STX11: variants seen among roughly 807,000 people sequenced by gnomAD.
STX11 encodes syntaxin 11, also known as syntaxin-11.
In STX11, 21 loss-of-function variants were observed where a neutral mutation model predicts 19.9. That is an observed-to-expected ratio of 1.06 (90% CI 0.75 to 1.52). STX11 has a LOEUF of 1.52. Among genes scored for constraint, STX11 ranks in the 40% most tolerant of loss-of-function variants. STX11 has a pLI of 0.00. For missense variants in STX11, 438 were observed against 405.9 expected (o/e 1.08, Z -0.68); for synonymous variants, 193 against 174.4 (o/e 1.11, Z -0.84).
the STX11 span, among the ~76,000 whole-genome samples, chr6:144,140,250 A>T: frequency 4.8e-3 from 209 of 43,868 alleles, 1 homozygote; most frequent in African/African-American, 0.032. Flanking sequence ...ATATATATAT[A>T]TATATTTATT....
Position 144,153,741 on chromosome 6 carries a change from G to C in STX11, c.-6+3038G>C, listed in dbSNP as rs989616464. On this transcript the variant is annotated intron_variant, in intron 1 of 1. Transcript: ENST00000367568. The surrounding 1 kb of genome is among the most constrained non-coding windows in gnomAD (Gnocchi z 5.0). Reference sequence around the variant, plus strand: ...GAATCGGGCAGTGACAATGCAGATGGGAAAAGAGGGAAGGGGCTGGTAGAG... The same window carrying C: ...GAATCGGGCAGTGACAATGCAGATGCGAAAAGAGGGAAGGGGCTGGTAGAG... Among the ~76,000 whole-genome samples the C allele has an allele frequency of 6.6e-6, 1 of 152,200 alleles. No individual in the cohort carries two copies. Among genetic ancestry groups the C allele is most frequent in the African/African-American group, 2.4e-5 (1 of 41,454 alleles).
At chr6:144,158,472 ATCAGTAAAC>A (rs1801236926) in intron 1 of STX11, among the ~76,000 whole-genome samples, 1 of 152,346 alleles carries the variant, frequency 6.6e-6, no homozygotes, top group African/African-American at 2.4e-5. Context: ...ACTTAGAGGA[ATCAGTAAAC>A]TTTCTAGGAG....
rs1800981921 is a variant in STX11, at chr6:144,150,726, C to T, written c.-6+23C>T. 6 of 984,582 alleles carry T rather than the reference C, an allele frequency of 6.1e-6. No homozygotes were observed. The South Asian group carries it at 2.4e-4, about 39-fold the overall frequency. 61.0% of individuals were successfully genotyped at this position (984,582 alleles called of 1,614,324 possible). ...CAGGTTTGTTTTTCTCTTCCTGAGCCCCCATTTCTCTTCCTGACTATTTTC... is the reference window on the plus strand; with the variant it reads ...CAGGTTTGTTTTTCTCTTCCTGAGCTCCCATTTCTCTTCCTGACTATTTTC... On this transcript the variant is annotated intron_variant, in intron 1 of 1. Transcript: ENST00000367568.
At chr6:144,164,521 A>G (rs1452032612) in intron 1 of STX11, among the ~76,000 whole-genome samples, 1 of 152,222 alleles carries the variant, frequency 6.6e-6, no homozygotes, top group Non-Finnish European at 1.5e-5. Context: ...ATAAAAAGAT[A>G]TCTACTGATT....
Position 144,187,640 on chromosome 6 carries a change from G to A in STX11, c.*149G>A. ...AAAAGAAACGCCAGGTTCAAGAATT[G>A]CAAACCAGCCTGTGCTTGGAAAGAT... On this transcript the variant is annotated 3_prime_UTR_variant, in exon 2 of 2. Transcript: ENST00000367568. The surrounding 1 kb of genome is among the most constrained non-coding windows in gnomAD (Gnocchi z 5.6). The A allele has an allele frequency of 9.6e-7, 1 of 1,046,504 alleles. No homozygotes were observed. The highest frequency in any genetic ancestry group is 1.5e-5 in the South Asian group (1 of 66,220). 64.8% of individuals were successfully genotyped at this position (1,046,504 alleles called of 1,614,324 possible). A position where few individuals can be genotyped will look rare whatever the true frequency, so the allele number is the denominator to read the frequency against.
In STX11 at chr6:144,183,576, TCATTAAGTTGCAAAAA is replaced by T. The variant is rs1354969480; in HGVS notation, c.-5-3044_-5-3029del. ...TAATGAATAGACTTTGTTTGCAAAATCATTAAGTTGCAAAAACAAAGACACCACAGGAGTTTTAAAT... is the reference window on the plus strand; with the variant it reads ...TAATGAATAGACTTTGTTTGCAAAATCAAAGACACCACAGGAGTTTTAAAT... On this transcript the variant is annotated intron_variant, in intron 1 of 1. Transcript: ENST00000367568. This position sits in a 1 kb window ranked among gnomAD's most constrained non-coding sequence, Gnocchi z 4.6. Among the ~76,000 whole-genome samples the T allele has an allele frequency of 6.6e-6, 1 of 152,118 alleles. No individual in the cohort carries two copies. The highest frequency in any genetic ancestry group is 1.5e-5 in the Non-Finnish European group (1 of 68,032).
Position 144,160,856 on chromosome 6 carries a change from T to C in STX11, c.-6+10153T>C, listed in dbSNP as rs923352053. Among the ~76,000 whole-genome samples, 2 of 143,966 alleles carry C rather than the reference T, an allele frequency of 1.4e-5. No individual in the cohort carries two copies. Among genetic ancestry groups the C allele is most frequent in the Non-Finnish European group, 2.9e-5 (2 of 67,890 alleles). The allele number at this position is 143,966 out of a possible 152,430, so 94.4% of individuals were successfully genotyped here. Reference sequence around the variant, plus strand: ...AAGTATGACTTCAAGTGAATGGATGTGTGAGGTCCTGTGATGACGACCATT... The same window carrying C: ...AAGTATGACTTCAAGTGAATGGATGCGTGAGGTCCTGTGATGACGACCATT... On this transcript the variant is annotated intron_variant, in intron 1 of 1. Transcript: ENST00000367568. This position sits in a 1 kb window ranked among gnomAD's most constrained non-coding sequence, Gnocchi z 4.3.
upstream of STX11, among the ~76,000 whole-genome samples, chr6:144,150,176 C>A (rs927305325): frequency 6.6e-6 from 1 of 152,262 alleles, no homozygotes; most frequent in Non-Finnish European, 1.5e-5. Context: ...GGCAACGCAC[C>A]GGACTGCAAA....
chr6:144,151,927 C>T lies in STX11; in HGVS notation c.-6+1224C>T, dbSNP rs1801017457. On this transcript the variant is annotated intron_variant, in intron 1 of 1. Transcript: ENST00000367568. This position sits in a 1 kb window ranked among gnomAD's most constrained non-coding sequence, Gnocchi z 4.6. The stretch of plus-strand genomic sequence containing the variant: ...AGGAAGGGACTGCACACTATCTCAA[C>T]ACGGTAGAGAAGGGGACACCATCTC... 1.3e-5 allele frequency among the ~76,000 whole-genome samples: 2 copies of T among 152,180 alleles called. No homozygotes were observed. Among genetic ancestry groups the T allele is most frequent in the Non-Finnish European group, 2.9e-5 (2 of 68,028 alleles).
chr6:144,167,496 A>G lies in STX11; in HGVS notation c.-6+16793A>G, dbSNP rs935311864. ...TTTATGTACATTGAACCATCAGAAAACAAAGGTGTCACTATCTCAGGCACC... is the reference window on the plus strand; with the variant it reads ...TTTATGTACATTGAACCATCAGAAAGCAAAGGTGTCACTATCTCAGGCACC... On this transcript the variant is annotated intron_variant, in intron 1 of 1. Transcript: ENST00000367568. This position sits in a 1 kb window ranked among gnomAD's most constrained non-coding sequence, Gnocchi z 5.0. 2.0e-5 allele frequency among the ~76,000 whole-genome samples: 3 copies of G among 152,220 alleles called. No individual in the cohort carries two copies. Among genetic ancestry groups the G allele is most frequent in the Admixed American group, 1.3e-4 (2 of 15,284 alleles).
At chr6:144,140,252 ATATT>A in the STX11 span, among the ~76,000 whole-genome samples, 4,922 of 49,672 alleles carry the variant, frequency 0.099, 332 homozygotes, top group Non-Finnish European at 0.11. Flanking sequence ...ATATATATAT[ATATT>A]TATTTATTTA....
the STX11 span, among the ~76,000 whole-genome samples, chr6:144,144,939 G>A: frequency 6.6e-6 from 1 of 152,184 alleles, no homozygotes; most frequent in Non-Finnish European, 1.5e-5. Context: ...CTTGGGCATT[G>A]CAGGTATAAA....
chr6:144,150,749 T>C, intron 1 of STX11, 46 bp downstream of exon 1: 1 of 347,706 alleles, frequency 2.9e-6, no homozygotes, highest in Non-Finnish European at 3.9e-6. Flanking sequence ...CCTGACTATT[T>C]TCCCCGTGCG....
In STX11 at chr6:144,175,167, T is replaced by C. The variant is rs1171681716; in HGVS notation, c.-5-11456T>C. 6.6e-6 allele frequency among the ~76,000 whole-genome samples: 1 copy of C among 151,136 alleles called. No homozygotes were observed. Among genetic ancestry groups the C allele is most frequent in the African/African-American group, 2.4e-5 (1 of 41,016 alleles). On this transcript the variant is annotated intron_variant, in intron 1 of 1. Coordinates refer to ENST00000367568, the MANE Select transcript of STX11 (RefSeq NM_003764.4). This position sits in a 1 kb window ranked among gnomAD's most constrained non-coding sequence, Gnocchi z 5.1. ...CAGGAGGCTTAGGCATTGCTAAACA[T>C]AGGAGGCAGAGGCTGCAGTGAGCCA...
intron 1 of STX11, among the ~76,000 whole-genome samples, chr6:144,164,905 C>T (rs994561303): frequency 4.0e-5 from 6 of 151,812 alleles, no homozygotes; most frequent in African/African-American, 1.5e-4. Flanking sequence ...CCATGTTGGC[C>T]AGGCTAGTCT....
At chr6:144,164,696 T>C (rs181420896) in intron 1 of STX11, among the ~76,000 whole-genome samples, 100 of 152,324 alleles carry the variant, frequency 6.6e-4, no homozygotes, top group African/African-American at 2.2e-3. Flanking sequence ...TATTTTATTT[T>C]ATTTTTCATT....
At position 144,183,887 on chromosome 6, in the gene STX11, G is replaced by T. The variant is rs370168573; in HGVS notation, c.-5-2736G>T. ...TTTCCCTAATGCTCTCCCCTCCCCC[G>T]CACTTCCCCGACAGGCCCCACTGTG... On this transcript the variant is annotated intron_variant, in intron 1 of 1. Coordinates refer to ENST00000367568, the MANE Select transcript of STX11 (RefSeq NM_003764.4). This position sits in a 1 kb window ranked among gnomAD's most constrained non-coding sequence, Gnocchi z 4.6. Among the ~76,000 whole-genome samples, 6 of 151,648 alleles carry T rather than the reference G, an allele frequency of 4.0e-5. No homozygotes were observed. In the East Asian group the frequency reaches 5.8e-4, roughly 15 times the overall value.
At position 144,150,620 on chromosome 6, in the gene STX11, T is replaced by C; in HGVS notation, c.-89T>C. 1.0e-6 allele frequency: 1 copy of C among 985,152 alleles called. No homozygotes were observed. Among genetic ancestry groups the C allele is most frequent in the Non-Finnish European group, 1.2e-6 (1 of 829,922 alleles). 61.0% of individuals were successfully genotyped at this position (985,152 alleles called of 1,614,324 possible). ...GCCGCCGGGAGTCGCGCAACAGGTT[T>C]CCTTCTCCATCGCTGCGCCCACAGG... is the stretch of plus-strand genomic sequence containing the variant. On this transcript the variant is annotated 5_prime_UTR_variant, in exon 1 of 2. Transcript: ENST00000367568.
chr6:144,166,563 G>T lies in STX11; in HGVS notation c.-6+15860G>T, dbSNP rs182399329. ...TTTTTTTGAGAAAGAGTCTCACTCTGCGGCCCAGCTGGAGTGCAGTGGTGT... is the reference window on the plus strand; with the variant it reads ...TTTTTTTGAGAAAGAGTCTCACTCTTCGGCCCAGCTGGAGTGCAGTGGTGT... On this transcript the variant is annotated intron_variant, in intron 1 of 1. Transcript: ENST00000367568. Among the ~76,000 whole-genome samples, 269 of 126,736 alleles carry T rather than the reference G, an allele frequency of 2.1e-3. 7 individuals are homozygous for T. The East Asian group carries it at 0.057, about 27-fold the overall frequency. 83.1% of individuals were successfully genotyped at this position (126,736 alleles called of 152,430 possible).
Sources: allele counts gnomAD v4.1 joint callset (sites outside exome capture counted in the v4.1 genomes callset), GRCh38; gene constraint gnomAD v4.1.1; non-coding constraint Gnocchi (gnomAD v3.1); transcripts MANE v1.5; gene names NCBI Gene and HGNC (gene_info 2026-07-23, HGNC 2026-07-21).